The following WTAP variants were observed in gnomAD, a reference collection of about 807,000 sequenced individuals.
WTAP encodes the protein pre-mRNA-splicing regulator WTAP.
In WTAP, 8 loss-of-function variants were observed where a neutral mutation model predicts 50.0. The ratio of observed to expected loss-of-function variants is 0.16; its 90% confidence interval spans 0.09 to 0.29. WTAP has a LOEUF of 0.29. Among genes scored for constraint, WTAP ranks in the 10% least tolerant of loss-of-function variants. The probability of loss-of-function intolerance (pLI) is 1.00; values close to 1 mark genes in which losing one functional copy is unlikely to be tolerated. For synonymous variants in WTAP, 194 were observed against 169.0 expected, an observed-to-expected ratio of 1.15 and a Z score of -1.15; for missense variants, 295 against 470.7, an observed-to-expected ratio of 0.63 and a Z score of 3.45.
Position 159,731,035 on chromosome 6 carries a change from G to C in WTAP, c.-9+3332G>C, listed in dbSNP as rs1302289537. On this transcript the variant is annotated intron_variant, in intron 1 of 7. Coordinates refer to ENST00000621533, the MANE Select transcript of WTAP (RefSeq NM_001270531.2). ...GCGTGCCTGTAGTTCCAGCTCCTTGGGAGGCTGAGGCAGTAGAATCGCTTG... is the reference window on the plus strand; with the variant it reads ...GCGTGCCTGTAGTTCCAGCTCCTTGCGAGGCTGAGGCAGTAGAATCGCTTG... 3.3e-5 allele frequency: 5 copies of C among 152,468 alleles called. No individual in the cohort carries two copies. In the East Asian group the frequency reaches 9.6e-4, roughly 29 times the overall value. The allele number at this position is 152,468 out of a possible 1,614,324, so 9.4% of individuals were successfully genotyped here.
Position 159,748,647 on chromosome 6 carries a change from C to T in WTAP, c.452+278C>T. On this transcript the variant is annotated intron_variant, in intron 6 of 7. Coordinates refer to ENST00000621533, the MANE Select transcript of WTAP (RefSeq NM_001270531.2). This position sits in a 1 kb window ranked among gnomAD's most constrained non-coding sequence, Gnocchi z 5.6. Reference sequence around the variant, plus strand: ...TGGCCACCTCCGAAAAATTCCCCTTCTAGAACATGTAGACACTTGAGAAAT... The same window carrying T: ...TGGCCACCTCCGAAAAATTCCCCTTTTAGAACATGTAGACACTTGAGAAAT... 1 of 1,285,162 alleles carries T rather than the reference C, an allele frequency of 7.8e-7. No individual in the cohort carries two copies. Among genetic ancestry groups the T allele is most frequent in the African/African-American group, 1.5e-5 (1 of 66,092 alleles). The allele number at this position is 1,285,162 out of a possible 1,614,324, so 79.6% of individuals were successfully genotyped here.
At chr6:159,752,904 T>C (rs993152707) in intron 6 of WTAP, among the ~76,000 whole-genome samples, 9 of 152,234 alleles carry the variant, frequency 5.9e-5, no homozygotes, top group Admixed American at 3.9e-4. Context: ...TGGCTACTTT[T>C]TAAAAAATTT....
intron 6 of WTAP, among the ~76,000 whole-genome samples, chr6:159,751,268 C>T (rs1004758104): frequency 2.0e-5 from 3 of 152,098 alleles, no homozygotes; most frequent in Non-Finnish European, 4.4e-5. Context: ...ACTTTTTAAA[C>T]GAAACCTTTT....
upstream of WTAP, chr6:159,726,898 G>A (rs1226105998): frequency 7.8e-7 from 1 of 1,289,126 alleles, no homozygotes; most frequent in Non-Finnish European, 1.0e-6. Flanking sequence ...GCCGCCCACG[G>A]CCTCTCTCTT....
chr6:159,754,381 T>G (rs536477087), intron 7 of WTAP, among the ~76,000 whole-genome samples: 1 of 152,266 alleles, frequency 6.6e-6, no homozygotes, highest in Non-Finnish European at 1.5e-5. Flanking sequence ...GGATCAGACT[T>G]GCTATGGAAC....
intron 1 of WTAP, 69 bp from the exon 2 acceptor site, chr6:159,736,189 G>C (rs1217960083): frequency 1.4e-6 from 2 of 1,443,364 alleles, no homozygotes; most frequent in African/African-American, 1.4e-5. Context: ...GAAAGAGTCA[G>C]TATTTTTTAT....
intron 2 of WTAP, 57 bp from the exon 3 acceptor site, chr6:159,738,933 A>G (rs1779080275): frequency 1.0e-5 from 14 of 1,341,102 alleles, no homozygotes; most frequent in African/African-American, 2.9e-5. Context: ...AGGTCTCATT[A>G]TAGAACTTTG....
At chr6:159,742,054 C>G (rs766174051) in intron 3 of WTAP, 34 bp from the exon 4 acceptor site, 1 of 1,440,778 alleles carries the variant, frequency 6.9e-7, no homozygotes, top group Non-Finnish European at 9.6e-7. Context: ...ACTATTTTAT[C>G]GTAACAACTA....
intron 4 of WTAP, among the ~76,000 whole-genome samples, chr6:159,743,428 G>C (rs1779381730): frequency 6.6e-6 from 1 of 152,336 alleles, no homozygotes; most frequent in African/African-American, 2.4e-5. Flanking sequence ...TCTGTCTTCT[G>C]TTGGGAGTAG....
At chr6:159,753,354 G>T in intron 6 of WTAP, 106 bp from the exon 7 acceptor site, 1 of 1,472,198 alleles carries the variant, frequency 6.8e-7, no homozygotes, top group Non-Finnish European at 9.4e-7. Flanking sequence ...AGCATCTGCT[G>T]TGATATAGTT....
intron 1 of WTAP, among the ~76,000 whole-genome samples, chr6:159,729,445 T>G (rs965506158): frequency 7.2e-5 from 11 of 152,234 alleles, no homozygotes; most frequent in African/African-American, 2.7e-4. Context: ...TAACAAGATG[T>G]TCCATCTGAC....
At chr6:159,727,831 C>A (rs1192700541) in intron 1 of WTAP, 128 bp downstream of exon 1, 1 of 659,250 alleles carries the variant, frequency 1.5e-6, no homozygotes, top group Non-Finnish European at 1.9e-6. Flanking sequence ...GGTGCGGCAC[C>A]GGTCTCTCGT....
chr6:159,736,239 C>G lies in WTAP; in HGVS notation c.-8-19C>G. On this transcript the variant is annotated intron_variant, in intron 1 of 7. Coordinates refer to ENST00000621533, the MANE Select transcript of WTAP (RefSeq NM_001270531.2). ...GAAGAAAATAAATTGAACTTGTTTT[C>G]CGCAACTTTTTTTTTTAGGATTCAA... 1 of 1,587,900 alleles carries G rather than the reference C, an allele frequency of 6.3e-7. No homozygotes were observed.
chr6:159,727,018 C>T, upstream of WTAP: 5 of 1,241,610 alleles, frequency 4.0e-6, no homozygotes, highest in Non-Finnish European at 4.1e-6. Flanking sequence ...ACGAGGCAGC[C>T]CCGCAGCCGC....
intron 6 of WTAP, 57 bp from the exon 7 acceptor site, chr6:159,753,403 A>C: frequency 6.2e-7 from 1 of 1,611,354 alleles, no homozygotes; most frequent in Non-Finnish European, 8.5e-7. Context: ...TAATAATTGT[A>C]AGCAAAGACA....
chr6:159,728,400 CTG>C (rs1364978900), intron 1 of WTAP, among the ~76,000 whole-genome samples: 2 of 150,848 alleles, frequency 1.3e-5, no homozygotes, highest in South Asian at 2.1e-4. Flanking sequence ...ACTAGCATAA[CTG>C]TGATTATGTA....
At chr6:159,728,722 G>A (rs1408542504) in intron 1 of WTAP, among the ~76,000 whole-genome samples, 1 of 152,220 alleles carries the variant, frequency 6.6e-6, no homozygotes, top group Non-Finnish European at 1.5e-5. Flanking sequence ...CATCTGATTA[G>A]CCAAGTCGGG....
At chr6:159,734,197 A>G (rs1319429762) in intron 1 of WTAP, among the ~76,000 whole-genome samples, 2 of 151,812 alleles carry the variant, frequency 1.3e-5, no homozygotes, top group African/African-American at 4.9e-5. Context: ...TGTTTTAATG[A>G]GAGACAGGGT....
chr6:159,731,221 G>A (rs2114871586), intron 1 of WTAP, among the ~76,000 whole-genome samples: 1 of 152,006 alleles, frequency 6.6e-6, no homozygotes, highest in Non-Finnish European at 1.5e-5. Flanking sequence ...CAGCACTTTT[G>A]GAGGCCCAAG....
Sources: allele counts gnomAD v4.1 joint callset (sites outside exome capture counted in the v4.1 genomes callset), GRCh38; gene constraint gnomAD v4.1.1; non-coding constraint Gnocchi (gnomAD v3.1); transcripts MANE v1.5; gene names NCBI Gene and HGNC (gene_info 2026-07-23, HGNC 2026-07-21).